The following GPR176 variants were observed in gnomAD, a reference collection of about 807,000 sequenced individuals.
GPR176 encodes the protein G-protein coupled receptor 176.
GPR176 carries 26 observed loss-of-function variants against 35.4 expected under a neutral mutation model. The observed-to-expected ratio is 0.74, with a 90% CI of 0.54 to 1.02. The LOEUF (loss-of-function observed/expected upper bound fraction) is 1.02. Ranked by LOEUF, GPR176 falls within the 50% of genes least tolerant of loss-of-function variation. The pLI, the probability that GPR176 is intolerant of heterozygous loss-of-function variation, is 0.00. For synonymous variants in GPR176, 278 were observed against 271.3 expected (o/e 1.02, Z -0.24); for missense variants, 597 against 665.3 (o/e 0.90, Z 1.13).
rs191593967 is a variant in GPR176, at chr15:39,837,010, C to T, written c.173-29752G>A. Among the ~76,000 whole-genome samples the T allele has an allele frequency of 3.9e-5, 6 of 152,086 alleles. No homozygotes were observed. In the East Asian group the frequency reaches 5.8e-4, roughly 15 times the overall value. ...ACAGAGGGTAATTAACTGAAGGTGC[C>T]GAAGAGGTAAAGTCAATTCTTTAAA... On this transcript the variant is annotated intron_variant, in intron 1 of 2. Coordinates refer to ENST00000561100, the MANE Select transcript of GPR176 (RefSeq NM_007223.3).
chr15:39,840,627 A>T lies in GPR176; in HGVS notation c.173-33369T>A, dbSNP rs925386916. Among the ~76,000 whole-genome samples the T allele has an allele frequency of 4.6e-5, 7 of 152,326 alleles. No homozygotes were observed. The South Asian group carries it at 1.4e-3, about 32-fold the overall frequency. Reference sequence around the variant, plus strand: ...GCACATGTACCCTAGAACTTGAAGTATAACAATAATAAAAAAGAAGGGTAG... The same window carrying T: ...GCACATGTACCCTAGAACTTGAAGTTTAACAATAATAAAAAAGAAGGGTAG... On this transcript the variant is annotated intron_variant, in intron 1 of 2. Coordinates refer to ENST00000561100, the MANE Select transcript of GPR176 (RefSeq NM_007223.3).
chr15:39,845,736 A>G (rs1437855329), intron 1 of GPR176, among the ~76,000 whole-genome samples: 1 of 152,130 alleles, frequency 6.6e-6, no homozygotes, highest in Admixed American at 6.6e-5. Flanking sequence ...GGCAAACAGT[A>G]TATCAGAAAG....
At chr15:39,878,741 T>C (rs1009276437) in intron 1 of GPR176, among the ~76,000 whole-genome samples, 1 of 152,260 alleles carries the variant, frequency 6.6e-6, no homozygotes, top group African/African-American at 2.4e-5. Flanking sequence ...TTTACATTCA[T>C]ACCAGTGTAC....
At chr15:39,883,893 G>A (rs984400912) in intron 1 of GPR176, among the ~76,000 whole-genome samples, 3 of 152,148 alleles carry the variant, frequency 2.0e-5, no homozygotes, top group African/African-American at 7.2e-5. Context: ...AAATTCCTAT[G>A]ATAAATCTTT....
intron 1 of GPR176, among the ~76,000 whole-genome samples, chr15:39,846,615 G>C (rs1489781362): frequency 4.6e-5 from 7 of 152,128 alleles, no homozygotes; most frequent in Non-Finnish European, 1.5e-5. Flanking sequence ...ACCAATTAGG[G>C]ATAAGAAACT....
chr15:39,858,181 A>G (rs968125859), intron 1 of GPR176, among the ~76,000 whole-genome samples: 1 of 152,060 alleles, frequency 6.6e-6, no homozygotes, highest in African/African-American at 2.4e-5. Context: ...GGAACTAGAA[A>G]AACGGTGCTT....
Position 39,799,050 on chromosome 15 carries a change from T to C in GPR176, c.*2082A>G, listed in dbSNP as rs1898700792. On this transcript the variant is annotated 3_prime_UTR_variant, in exon 3 of 3. Coordinates refer to ENST00000561100, the MANE Select transcript of GPR176 (RefSeq NM_007223.3). ...TTTTCAATTTTTTATTAAAATGTTA[T>C]TCTTCAAAGAGTATAGAAATACACC... The C allele has an allele frequency of 1.3e-5, 2 of 152,368 alleles. No individual in the cohort carries two copies. Among genetic ancestry groups the C allele is most frequent in the South Asian group, 4.1e-4 (2 of 4,830 alleles). The allele number at this position is 152,368 out of a possible 1,614,324, so 9.4% of individuals were successfully genotyped here. A position where few individuals can be genotyped will look rare whatever the true frequency, so the allele number is the denominator to read the frequency against.
At chr15:39,839,795 A>T (rs1392166484) in intron 1 of GPR176, among the ~76,000 whole-genome samples, 2 of 152,186 alleles carry the variant, frequency 1.3e-5, no homozygotes, top group Non-Finnish European at 2.9e-5. Context: ...AAAATCAAAC[A>T]ACCCCATCAA....
intron 1 of GPR176, among the ~76,000 whole-genome samples, chr15:39,827,505 G>T (rs568484106): frequency 6.6e-6 from 1 of 152,280 alleles, no homozygotes; most frequent in East Asian, 1.9e-4. Flanking sequence ...GAAGGAGAGG[G>T]CATAAGGAAG....
chr15:39,896,392 T>A (rs2033115156), intron 1 of GPR176, among the ~76,000 whole-genome samples: 1 of 152,190 alleles, frequency 6.6e-6, no homozygotes, highest in Admixed American at 6.5e-5. Context: ...ACAATACTGT[T>A]TATAATGGTC....
At chr15:39,818,296 AT>A (rs1183269842) in intron 1 of GPR176, among the ~76,000 whole-genome samples, 1 of 152,200 alleles carries the variant, frequency 6.6e-6, no homozygotes, top group Non-Finnish European at 1.5e-5. Flanking sequence ...ATTCCAGAGG[AT>A]TTTTTCTGAA....
chr15:39,824,199 T>C (rs1362090643), intron 1 of GPR176, among the ~76,000 whole-genome samples: 2 of 152,258 alleles, frequency 1.3e-5, no homozygotes, highest in Non-Finnish European at 2.9e-5. Context: ...CTGCCATGAC[T>C]GCAAGCTTCC....
intron 1 of GPR176, among the ~76,000 whole-genome samples, chr15:39,812,178 T>C (rs1185748694): frequency 6.6e-6 from 1 of 152,216 alleles, no homozygotes; most frequent in Non-Finnish European, 1.5e-5. Context: ...TAATACTAAA[T>C]GTCAACTGGA....
Position 39,801,854 on chromosome 15 carries a change from T to G in GPR176, c.826A>C (p.Ile276Leu). ...ATLLSMVMVF[I>L]LCSVPYATLV... is the part of the protein sequence containing the mutation. ...GTGGCATAGGGCACGCTACACAAGA[T>G]GAAGACCATCACCATGGAGAGCAGG... Residue 276 changes from isoleucine to leucine, a missense_variant, in exon 3 of 3, where the codon ATC becomes CTC. This residue lies in a region of GPR176 where 220 missense variants were observed against 297.6 expected (regional missense o/e 0.74). Coordinates refer to ENST00000561100, the MANE Select transcript of GPR176 (RefSeq NM_007223.3). The G allele has an allele frequency of 1.2e-6, 2 of 1,614,042 alleles. No homozygotes were observed. Among genetic ancestry groups the G allele is most frequent in the Non-Finnish European group, 1.7e-6 (2 of 1,179,992 alleles).
At chr15:39,806,864 T>G (rs943992414) in intron 2 of GPR176, 142 bp downstream of exon 2, 1 of 706,340 alleles carries the variant, frequency 1.4e-6, no homozygotes, top group African/African-American at 1.8e-5. Flanking sequence ...GCATCTGTTT[T>G]GCACATTTAT....
intron 1 of GPR176, among the ~76,000 whole-genome samples, chr15:39,840,952 T>C (rs1352264641): frequency 6.6e-6 from 1 of 152,150 alleles, no homozygotes; most frequent in African/African-American, 2.4e-5. Context: ...AAGAAAGCCA[T>C]ATGATTTGCA....
chr15:39,841,725 T>G (rs1431264712), intron 1 of GPR176, among the ~76,000 whole-genome samples: 1 of 152,192 alleles, frequency 6.6e-6, no homozygotes, highest in African/African-American at 2.4e-5. Context: ...TCTGTTGTGT[T>G]AAGCCACCCA....
At chr15:39,850,860 C>A (rs2030814693) in intron 1 of GPR176, among the ~76,000 whole-genome samples, 2 of 150,602 alleles carry the variant, frequency 1.3e-5, no homozygotes, top group East Asian at 1.9e-4. Flanking sequence ...ATTAAAAAAA[C>A]AAAAAAACAA....
At chr15:39,874,050 A>G (rs1186789629) in intron 1 of GPR176, among the ~76,000 whole-genome samples, 1 of 152,260 alleles carries the variant, frequency 6.6e-6, no homozygotes, top group Non-Finnish European at 1.5e-5. Flanking sequence ...CACGAAGGTT[A>G]GGTATTGAGA....
Sources: allele counts gnomAD v4.1 joint callset (sites outside exome capture counted in the v4.1 genomes callset), GRCh38; gene constraint gnomAD v4.1.1; regional missense constraint gnomAD v4.1.1; transcripts MANE v1.5; gene names NCBI Gene and HGNC (gene_info 2026-07-23, HGNC 2026-07-21).